The following EGF variants were observed in gnomAD, a reference collection of about 807,000 sequenced individuals.
EGF encodes pro-epidermal growth factor.
EGF carries 95 observed loss-of-function variants against 143.8 expected under a neutral mutation model. The observed-to-expected ratio is 0.66, with a 90% confidence interval of 0.56 to 0.78. The LOEUF (loss-of-function observed/expected upper bound fraction) is 0.78, where lower values mean the gene tolerates loss of function less well. Among genes scored for constraint, EGF ranks in the 30% least tolerant of loss-of-function variants. EGF has a pLI of 0.00. For missense variants in EGF, 1,320 were observed against 1,470.9 expected (o/e 0.90, Z 1.68); for synonymous variants, 510 against 510.5 (o/e 1.00, Z 0.01).
intron 11 of EGF, among the ~76,000 whole-genome samples, chr4:109,970,096 A>G (rs1747324411): frequency 6.6e-6 from 1 of 152,168 alleles, no homozygotes; most frequent in African/African-American, 2.4e-5. Flanking sequence ...AAACAGAACC[A>G]GAGTGCAGTT....
At chr4:109,956,793 G>C (rs570272445) in intron 5 of EGF, among the ~76,000 whole-genome samples, 1 of 152,248 alleles carries the variant, frequency 6.6e-6, no homozygotes, top group South Asian at 2.1e-4. Flanking sequence ...AAGTTGACAA[G>C]ACTGATTTTG....
intron 10 of EGF, 112 bp from the exon 11 acceptor site, chr4:109,968,859 T>C (rs935262620): frequency 7.0e-7 from 1 of 1,428,182 alleles, no homozygotes; most frequent in Non-Finnish European, 9.7e-7. Flanking sequence ...GGTGTGCCTA[T>C]CTCCAAAGTC....
At chr4:109,984,790 T>C (rs1749897567) in intron 16 of EGF, among the ~76,000 whole-genome samples, 1 of 152,182 alleles carries the variant, frequency 6.6e-6, no homozygotes, top group Non-Finnish European at 1.5e-5. Context: ...GACCAAAGGT[T>C]TTTGAAAATT....
At chr4:109,981,639 A>T (rs1749374717) in intron 15 of EGF, among the ~76,000 whole-genome samples, 1 of 152,200 alleles carries the variant, frequency 6.6e-6, no homozygotes, top group African/African-American at 2.4e-5. Flanking sequence ...TAAATTTTTT[A>T]AAAATTTATA....
rs1283205649 is a variant in EGF at position 109,913,069 on chromosome 4, G to C, written c.-267G>C. 9.7e-6 allele frequency: 4 copies of C among 413,272 alleles called. No homozygotes were observed. Among genetic ancestry groups the C allele is most frequent in the South Asian group, 4.2e-5 (2 of 47,098 alleles). 25.6% of individuals were successfully genotyped at this position (413,272 alleles called of 1,614,324 possible). A position where few individuals can be genotyped will look rare whatever the true frequency, so the allele number is the denominator to read the frequency against. ...TTAAACTCTGTGAAATTTGTCATAA[G>C]GGTGTCAGGTATTTCTTACTGGCTT... On this transcript the variant is annotated 5_prime_UTR_variant, in exon 1 of 24. Transcript: ENST00000265171.
At chr4:109,962,996 G>A (rs1419038809) in intron 8 of EGF, among the ~76,000 whole-genome samples, 177 bp from the exon 9 acceptor site, 2 of 151,646 alleles carry the variant, frequency 1.3e-5, no homozygotes, top group African/African-American at 2.4e-5. Flanking sequence ...GAACTTGGGA[G>A]GCGGAGGTTG....
Position 109,969,060 on chromosome 4 carries a change from T to C in EGF, c.1665T>C (p.Asp555=), listed in dbSNP as rs772704323. ...QRERLIEEGV[D]VPEGLAVDWI... is the part of the protein sequence containing the mutation. The stretch of plus-strand genomic sequence containing the variant: ...AAAGGCTTATTGAGGAAGGAGTAGA[T>C]GTGCCAGAAGGTCTTGCTGTGGACT... Residue 555 remains aspartate, a synonymous_variant, in exon 11 of 24, where the codon GAT becomes GAC. Coordinates refer to ENST00000265171, the MANE Select transcript of EGF (RefSeq NM_001963.6). 1.7e-5 allele frequency: 28 copies of C among 1,614,102 alleles called. No homozygotes were observed. The highest frequency in any genetic ancestry group is 2.2e-5 in the Non-Finnish European group (26 of 1,180,044).
intron 5 of EGF, among the ~76,000 whole-genome samples, chr4:109,948,051 A>G (rs1013462108): frequency 1.3e-5 from 2 of 152,228 alleles, no homozygotes; most frequent in East Asian, 1.9e-4. Context: ...AGCTTCTGTG[A>G]CAGGAAGTTC....
intron 18 of EGF, among the ~76,000 whole-genome samples, chr4:109,990,794 CAG>C (rs1308725241): frequency 2.0e-5 from 3 of 152,258 alleles, no homozygotes; most frequent in African/African-American, 4.8e-5. Flanking sequence ...GAAAGGGAGA[CAG>C]AGAGCAAGAG....
At chr4:109,969,253 A>G in intron 11 of EGF, 134 bp downstream of exon 11, 1 of 1,149,778 alleles carries the variant, frequency 8.7e-7, no homozygotes, top group South Asian at 1.3e-5. Context: ...AAAAGAGGCC[A>G]CCATTGCGGT....
intron 10 of EGF, among the ~76,000 whole-genome samples, chr4:109,966,272 A>G (rs1252554305): frequency 6.6e-6 from 1 of 152,092 alleles, no homozygotes; most frequent in African/African-American, 2.4e-5. Context: ...CCCATTGTTC[A>G]GCTCTCACAT....
intron 1 of EGF, among the ~76,000 whole-genome samples, chr4:109,931,846 T>A (rs934689369): frequency 2.0e-5 from 3 of 152,250 alleles, no homozygotes; most frequent in African/African-American, 7.2e-5. Flanking sequence ...TGCTAGGATC[T>A]GTATGCTATG....
intron 7 of EGF, among the ~76,000 whole-genome samples, chr4:109,961,598 A>G (rs1313801222): frequency 2.0e-5 from 3 of 152,188 alleles, no homozygotes; most frequent in African/African-American, 7.2e-5. Context: ...CATGTAAAAA[A>G]CATAATCATG....
At chr4:110,003,226 T>C (rs1183916137) in intron 21 of EGF, among the ~76,000 whole-genome samples, 1 of 152,196 alleles carries the variant, frequency 6.6e-6, no homozygotes, top group Non-Finnish European at 1.5e-5. Context: ...GTTAACTCTT[T>C]GAAGCATCAC....
chr4:109,943,687 A>C (rs1742323203), intron 3 of EGF, among the ~76,000 whole-genome samples, 155 bp from the exon 4 acceptor site: 1 of 152,224 alleles, frequency 6.6e-6, no homozygotes, highest in Non-Finnish European at 1.5e-5. Context: ...AATCACTTGT[A>C]ATGTCTACAA....
chr4:110,011,199 T>C lies in EGF; in HGVS notation c.3371-3T>C. 3 of 1,613,968 alleles carry C rather than the reference T, an allele frequency of 1.9e-6. No homozygotes were observed. Among genetic ancestry groups the C allele is most frequent in the Non-Finnish European group, 1.7e-6 (2 of 1,179,998 alleles). ...ATTGAAATTTCTTTTGTCTTTCATA[T>C]AGGGTCAATGCAACCAACTTCATGG... On this transcript the variant is annotated splice_region_variant and splice_polypyrimidine_tract_variant and intron_variant, in intron 23 of 23. Transcript: ENST00000265171.
chr4:109,937,364 T>C (rs1741022360), intron 1 of EGF, among the ~76,000 whole-genome samples: 1 of 151,744 alleles, frequency 6.6e-6, no homozygotes, highest in Admixed American at 6.6e-5. Flanking sequence ...CCCTGCTTTT[T>C]TTTTTTTTTT....
chr4:109,929,340 G>C (rs889457315), intron 1 of EGF, among the ~76,000 whole-genome samples: 6 of 152,040 alleles, frequency 3.9e-5, no homozygotes, highest in African/African-American at 1.2e-4. Context: ...GATGTTGAGA[G>C]CATTTACCTC....
intron 5 of EGF, among the ~76,000 whole-genome samples, chr4:109,954,079 T>G (rs1744383210): frequency 1.3e-5 from 2 of 152,124 alleles, no homozygotes; most frequent in South Asian, 4.1e-4. Flanking sequence ...TGAGACGGAG[T>G]CTCGCTCTGT....
Sources: allele counts gnomAD v4.1 joint callset (sites outside exome capture counted in the v4.1 genomes callset), GRCh38; gene constraint gnomAD v4.1.1; transcripts MANE v1.5; gene names NCBI Gene and HGNC (gene_info 2026-07-23, HGNC 2026-07-21).